MKLN1: variants seen among roughly 807,000 people sequenced by gnomAD.
MKLN1 encodes the protein muskelin.
MKLN1 carries 18 observed loss-of-function variants against 99.0 expected under a neutral mutation model. That is an observed-to-expected ratio of 0.18 (90% confidence interval 0.13 to 0.27). The LOEUF (loss-of-function observed/expected upper bound fraction) is 0.27, where lower values mean the gene tolerates loss of function less well. MKLN1 is among the 10% of genes least tolerant of loss of function. The pLI is 1.00. For synonymous variants in MKLN1, 288 were observed against 293.2 expected, an observed-to-expected ratio of 0.98 and a Z score of 0.18; for missense variants, 621 against 875.9, an observed-to-expected ratio of 0.71 and a Z score of 3.67.
intron 3 of MKLN1, chr7:131,310,184 C>T (rs1798540905): frequency 6.6e-6 from 1 of 152,180 alleles, no homozygotes; most frequent in African/African-American, 2.4e-5. Context: ...TTTTCAGCTA[C>T]TTGTGGCAAT....
intron 3 of MKLN1, among the ~76,000 whole-genome samples, chr7:131,216,422 C>CAA (rs34071524): frequency 2.6e-5 from 3 of 116,414 alleles, no homozygotes; most frequent in African/African-American, 6.6e-5. Flanking sequence ...GTCTCTGACT[C>CAA]AAAAAAAAAA....
chr7:131,202,146 C>CTTTTTTTTTTTTTTTTTTTTTTTTT (rs58800874), intron 2 of MKLN1, among the ~76,000 whole-genome samples: 1 of 60,274 alleles, frequency 1.7e-5, no homozygotes, highest in Non-Finnish European at 3.2e-5. Flanking sequence ...GCACTATTGA[C>CTTTTTTTTTTTTTTTTTTTTTTTTT]TTTTTTTTTT....
At chr7:131,145,176 T>C (rs149766112) in intron 2 of MKLN1, among the ~76,000 whole-genome samples, 2 of 152,204 alleles carry the variant, frequency 1.3e-5, no homozygotes, top group Admixed American at 6.5e-5. Context: ...GGTTGGAGGA[T>C]ACAATCAGAT....
At chr7:131,457,097 G>C (rs1028213846) in intron 12 of MKLN1, among the ~76,000 whole-genome samples, 2 of 151,688 alleles carry the variant, frequency 1.3e-5, no homozygotes, top group African/African-American at 4.8e-5. Context: ...GACCAACATG[G>C]AGAAACCCCG....
intron 3 of MKLN1, among the ~76,000 whole-genome samples, chr7:131,207,475 G>A (rs1385424198): frequency 6.6e-6 from 1 of 152,184 alleles, no homozygotes; most frequent in African/African-American, 2.4e-5. Context: ...TGGGATTACA[G>A]GCATGAGCCA....
At chr7:131,406,599 C>T (rs568908624) in intron 6 of MKLN1, among the ~76,000 whole-genome samples, 11 of 151,860 alleles carry the variant, frequency 7.2e-5, no homozygotes, top group African/African-American at 2.7e-4. Flanking sequence ...TTATTGTTTG[C>T]GTCTTTAATC....
At chr7:131,454,516 T>C (rs1305487328) in intron 12 of MKLN1, among the ~76,000 whole-genome samples, 1 of 152,212 alleles carries the variant, frequency 6.6e-6, no homozygotes, top group Non-Finnish European at 1.5e-5. Context: ...GTCCCAACTT[T>C]CAAAGAGAAG....
Position 131,495,991 on chromosome 7 carries a change from AAAAC to A in MKLN1, c.*8265_*8268del, listed in dbSNP as rs1353929973. 5.9e-5 allele frequency: 9 copies of A among 151,288 alleles called. No individual in the cohort carries two copies. Among genetic ancestry groups the A allele is most frequent in the Admixed American group, 1.3e-4 (2 of 15,264 alleles). The allele number at this position is 151,288 out of a possible 1,614,324, so 9.4% of individuals were successfully genotyped here. On this transcript the variant is annotated 3_prime_UTR_variant, in exon 18 of 18. Coordinates refer to ENST00000352689, the MANE Select transcript of MKLN1 (RefSeq NM_013255.5). ...TGAGCTATTGTCAAAAGCCAAAAGAAAAACAGACAAAATGAACATGAAGCAAGGA... is the reference window on the plus strand; with the variant it reads ...TGAGCTATTGTCAAAAGCCAAAAGAAAGACAAAATGAACATGAAGCAAGGA...
In MKLN1 at chr7:131,327,965, G is replaced by C; in HGVS notation, c.66G>C (p.Lys22Asn). The change falls in exon 1 of 18, where the codon AAG (lysine) becomes AAC (asparagine). Residue 22 changes from lysine to asparagine, a missense_variant. Physicochemically the swap from Lys to Asn is moderately conservative, Grantham distance 94. Coordinates refer to ENST00000352689, the MANE Select transcript of MKLN1 (RefSeq NM_013255.5). ...ECRLLPYALH[K>N]WSSFSSTYLP... is the part of the protein sequence containing the mutation. The stretch of plus-strand genomic sequence containing the variant: ...GGCTTCTCCCCTACGCGCTACACAA[G>C]TGGAGCTCCTTTTCCTCCACCTACC... The C allele has an allele frequency of 6.2e-7, 1 of 1,613,916 alleles. No homozygotes were observed. Among genetic ancestry groups the C allele is most frequent in the Non-Finnish European group, 8.5e-7 (1 of 1,179,882 alleles).
chr7:131,233,918 G>A (rs1317461944), intron 3 of MKLN1, among the ~76,000 whole-genome samples: 1 of 151,866 alleles, frequency 6.6e-6, no homozygotes, highest in East Asian at 1.9e-4. Context: ...TTTCAGAAAG[G>A]GTATAGGAAG....
chr7:131,469,156 G>A (rs1796746940), intron 15 of MKLN1, among the ~76,000 whole-genome samples: 1 of 152,050 alleles, frequency 6.6e-6, no homozygotes. Context: ...TTAGATAGAT[G>A]CATAGATAGA....
At chr7:131,307,344 C>T (rs1397019398) in intron 3 of MKLN1, among the ~76,000 whole-genome samples, 1 of 152,146 alleles carries the variant, frequency 6.6e-6, no homozygotes, top group Non-Finnish European at 1.5e-5. Flanking sequence ...GGAATGCGAG[C>T]TCCCACATGG....
intron 3 of MKLN1, among the ~76,000 whole-genome samples, chr7:131,296,602 T>TA (rs11406114): frequency 0.16 from 23,706 of 151,858 alleles, 1,883 homozygotes; most frequent in Middle Eastern, 0.23. Flanking sequence ...CAAACTCAGA[T>TA]AAAAAAATAC....
At chr7:131,160,504 T>TATTATG (rs1554530197) in intron 2 of MKLN1, among the ~76,000 whole-genome samples, 4 of 121,800 alleles carry the variant, frequency 3.3e-5, no homozygotes, top group Admixed American at 1.5e-4. Context: ...TTATTATTAT[T>TATTATG]ATTATTATTA....
chr7:131,331,815 A>G (rs1478589711), intron 1 of MKLN1, among the ~76,000 whole-genome samples: 1 of 152,226 alleles, frequency 6.6e-6, no homozygotes, highest in African/African-American at 2.4e-5. Flanking sequence ...TTAAGATTTT[A>G]GTATACTCAT....
At chr7:131,460,989 A>G (rs1448274485) in intron 12 of MKLN1, among the ~76,000 whole-genome samples, 1 of 152,142 alleles carries the variant, frequency 6.6e-6, no homozygotes, top group Non-Finnish European at 1.5e-5. Context: ...AAAATTTACC[A>G]TGCCTTATTA....
rs35752769 is a variant in MKLN1, at chr7:131,273,617, CT to C, written c.-179+70652del. 6.7e-5 allele frequency among the ~76,000 whole-genome samples: 10 copies of C among 148,688 alleles called. No individual in the cohort carries two copies. In the South Asian group the frequency reaches 1.1e-3, roughly 16 times the overall value. ...TAAAGGATCAGATACCTATGGCTGA[CT>C]TTTTTTTTCCTTTTTTTTTTTTTTG... On this transcript the variant is annotated intron_variant, in intron 3 of 7. Transcript: ENST00000416992.
intron 3 of MKLN1, among the ~76,000 whole-genome samples, chr7:131,216,630 C>T (rs532400146): frequency 7.2e-5 from 11 of 152,224 alleles, no homozygotes; most frequent in Non-Finnish European, 1.6e-4. Context: ...CTACTACTGC[C>T]GACACTTCAT....
At chr7:131,345,216 C>T (rs1799524095) in intron 1 of MKLN1, among the ~76,000 whole-genome samples, 1 of 152,160 alleles carries the variant, frequency 6.6e-6, no homozygotes, top group Admixed American at 6.5e-5. Context: ...TTGAGTATCC[C>T]TTACTTGAAA....
Sources: allele counts gnomAD v4.1 joint callset (sites outside exome capture counted in the v4.1 genomes callset), GRCh38; gene constraint gnomAD v4.1.1; transcripts MANE v1.5; gene names NCBI Gene and HGNC (gene_info 2026-07-23, HGNC 2026-07-21).